MEGF11: variants seen among roughly 807,000 people sequenced by gnomAD.
The protein encoded by MEGF11 is multiple EGF like domains 11, also known as multiple epidermal growth factor-like domains protein 11.
Under a neutral mutation model 146.6 loss-of-function variants are expected in MEGF11, and 126 were observed. That is an observed-to-expected ratio of 0.86 (90% CI 0.74 to 1.00). The LOEUF is 1.00. Ranked by LOEUF, MEGF11 falls within the 50% of genes least tolerant of loss-of-function variation. The probability of loss-of-function intolerance (pLI) is 0.00; values close to 1 mark genes in which losing one functional copy is unlikely to be tolerated. For missense variants in MEGF11, 1,509 were observed against 1,521.2 expected (o/e 0.99, Z 0.13); for synonymous variants, 532 against 583.4 (o/e 0.91, Z 1.27).
chr15:66,094,230 G>C (rs898901906), intron 5 of MEGF11, among the ~76,000 whole-genome samples, 172 bp downstream of exon 5: 3 of 152,032 alleles, frequency 2.0e-5, no homozygotes, highest in Admixed American at 6.6e-5. Flanking sequence ...TCCCTCAAGT[G>C]CCACCATGTT....
intron 1 of MEGF11, among the ~76,000 whole-genome samples, chr15:66,215,994 C>T (rs879773429): frequency 1.3e-5 from 2 of 152,146 alleles, no homozygotes; most frequent in African/African-American, 2.4e-5. Flanking sequence ...ACATAAACCC[C>T]ACAGATCAAG....
intron 2 of MEGF11, 132 bp downstream of exon 2, chr15:66,128,174 G>A (rs902716036): frequency 4.7e-5 from 24 of 509,784 alleles, no homozygotes; most frequent in African/African-American, 4.6e-4. Flanking sequence ...CTCAGCATGT[G>A]GGCCATCTCC....
intron 5 of MEGF11, among the ~76,000 whole-genome samples, chr15:66,025,865 C>T (rs2083313091): frequency 6.6e-6 from 1 of 152,194 alleles, no homozygotes; most frequent in African/African-American, 2.4e-5. Flanking sequence ...ATTCCTGGCC[C>T]ACCTATTTCC....
chr15:66,164,681 G>A (rs1384225490), intron 1 of MEGF11, among the ~76,000 whole-genome samples: 1 of 152,066 alleles, frequency 6.6e-6, no homozygotes, highest in South Asian at 2.1e-4. Flanking sequence ...CCCAATTCTT[G>A]GCCAGCCTTT....
chr15:66,084,012 T>C (rs2085999916), intron 5 of MEGF11, among the ~76,000 whole-genome samples: 1 of 152,210 alleles, frequency 6.6e-6, no homozygotes, highest in African/African-American at 2.4e-5. Context: ...CATATGGTCA[T>C]GTGTTGCTTA....
At chr15:66,191,747 G>A (rs1021403450) in intron 1 of MEGF11, among the ~76,000 whole-genome samples, 5 of 152,146 alleles carry the variant, frequency 3.3e-5, no homozygotes, top group Non-Finnish European at 7.3e-5. Context: ...AGGCCTGGGG[G>A]ACCCCAGTGG....
intron 10 of MEGF11, among the ~76,000 whole-genome samples, chr15:65,934,153 A>C (rs936051823): frequency 6.6e-6 from 1 of 152,222 alleles, no homozygotes; most frequent in African/African-American, 2.4e-5. Context: ...TGCATTTGTC[A>C]GTTCCTCTGA....
chr15:66,092,897 A>C (rs1360648192), intron 5 of MEGF11, among the ~76,000 whole-genome samples: 6 of 152,224 alleles, frequency 3.9e-5, no homozygotes, highest in Non-Finnish European at 7.3e-5. Flanking sequence ...TTCCTTCCTC[A>C]AAGATTCCTT....
In MEGF11 at chr15:66,070,778, G is replaced by A. The variant is rs184178786; in HGVS notation, c.394+23624C>T. On this transcript the variant is annotated intron_variant, in intron 5 of 25. Coordinates refer to ENST00000395614, the MANE Select transcript of MEGF11 (RefSeq NM_001385028.1). ...TAACTTGCAAGGCTGTCGAGGAAGT[G>A]GGGGGATTAAGTGAGGCCAATGTCT... Among the ~76,000 whole-genome samples the A allele has an allele frequency of 1.7e-3, 265 of 152,302 alleles. 2 individuals carry two copies. Among genetic ancestry groups the A allele is most frequent in the South Asian group, 7.5e-3 (36 of 4,826 alleles).
At chr15:66,137,739 G>A (rs984986564) in intron 1 of MEGF11, among the ~76,000 whole-genome samples, 3 of 151,460 alleles carry the variant, frequency 2.0e-5, no homozygotes, top group Admixed American at 6.6e-5. Flanking sequence ...TCTTAGAGAC[G>A]AGGTCTCACT....
At chr15:65,954,342 C>G (rs560284580) in intron 10 of MEGF11, among the ~76,000 whole-genome samples, 1 of 152,352 alleles carries the variant, frequency 6.6e-6, no homozygotes, top group African/African-American at 2.4e-5. Flanking sequence ...ATTGCTCCTA[C>G]TTTGACCAGA....
intron 10 of MEGF11, among the ~76,000 whole-genome samples, chr15:65,948,991 G>A (rs2080296542): frequency 6.6e-6 from 1 of 152,254 alleles, no homozygotes; most frequent in Admixed American, 6.5e-5. Context: ...TGAGTCAATA[G>A]TGGGAGGTGA....
intron 1 of MEGF11, among the ~76,000 whole-genome samples, chr15:66,211,911 A>C (rs1950034203): frequency 6.6e-6 from 1 of 151,968 alleles, no homozygotes; most frequent in African/African-American, 2.4e-5. Flanking sequence ...TAAGGACCCA[A>C]ATCACTCATA....
At chr15:65,943,586 T>C (rs1299260522) in intron 10 of MEGF11, among the ~76,000 whole-genome samples, 2 of 152,182 alleles carry the variant, frequency 1.3e-5, no homozygotes, top group African/African-American at 2.4e-5. Flanking sequence ...AGGTTAGGGA[T>C]AGGATTTGGG....
Position 65,952,032 on chromosome 15 carries a change from G to T in MEGF11, c.1287+5515C>A, listed in dbSNP as rs116147202. On this transcript the variant is annotated intron_variant, in intron 10 of 25. Coordinates refer to ENST00000395614, the MANE Select transcript of MEGF11 (RefSeq NM_001385028.1). ...AAAATTTTTTTTAAAGATATTTTGA[G>T]AGGCCACATTCACATAAATTTTATA... Among the ~76,000 whole-genome samples the T allele has an allele frequency of 2.1e-3, 321 of 152,208 alleles. 1 individual carries two copies. The highest frequency in any genetic ancestry group is 7.6e-3 in the African/African-American group (314 of 41,524).
intron 10 of MEGF11, among the ~76,000 whole-genome samples, chr15:65,942,316 T>C (rs1202947998): frequency 6.6e-6 from 1 of 152,082 alleles, no homozygotes; most frequent in East Asian, 1.9e-4. Flanking sequence ...GTTAAATATG[T>C]GTTGACAATG....
intron 10 of MEGF11, among the ~76,000 whole-genome samples, chr15:65,942,629 T>C (rs2080037484): frequency 6.6e-6 from 1 of 152,108 alleles, no homozygotes; most frequent in Non-Finnish European, 1.5e-5. Context: ...TCTGCCCTTA[T>C]TTAGAAGGAA....
chr15:66,098,099 T>C (rs1349732529), intron 4 of MEGF11, among the ~76,000 whole-genome samples: 3 of 152,182 alleles, frequency 2.0e-5, no homozygotes, highest in African/African-American at 7.2e-5. Context: ...AAATGCAGGA[T>C]AGAGCTTGGC....
chr15:66,009,419 G>T (rs2140102316), intron 5 of MEGF11, among the ~76,000 whole-genome samples: 1 of 152,020 alleles, frequency 6.6e-6, no homozygotes, highest in South Asian at 2.1e-4. Context: ...TGGCTGGGAG[G>T]CTCTGTTAGG....
Sources: allele counts gnomAD v4.1 joint callset (sites outside exome capture counted in the v4.1 genomes callset), GRCh38; gene constraint gnomAD v4.1.1; transcripts MANE v1.5; gene names NCBI Gene and HGNC (gene_info 2026-07-23, HGNC 2026-07-21).